Variants in KIAA1217 observed in about 807,000 individuals in gnomAD.
KIAA1217 encodes the protein sickle tail protein homolog.
Under a neutral mutation model 163.9 loss-of-function variants are expected in KIAA1217, and 88 were observed. That is an observed-to-expected ratio of 0.54 (90% CI 0.45 to 0.64). The LOEUF (loss-of-function observed/expected upper bound fraction) is 0.64. Ranked by LOEUF, KIAA1217 falls within the 30% of genes least tolerant of loss-of-function variation. The pLI is 0.00. For missense variants in KIAA1217, 2,372 were observed against 2,475.0 expected (o/e 0.96, Z 0.88); for synonymous variants, 903 against 923.1 (o/e 0.98, Z 0.39).
intron 2 of KIAA1217, among the ~76,000 whole-genome samples, chr10:24,028,935 C>T (rs893634173): frequency 1.3e-5 from 2 of 152,108 alleles, no homozygotes; most frequent in African/African-American, 4.8e-5. Flanking sequence ...TATCCCTGGA[C>T]AATTCTTTCC....
intron 1 of KIAA1217, among the ~76,000 whole-genome samples, chr10:23,853,225 A>T (rs1006222223): frequency 2.0e-5 from 3 of 152,002 alleles, no homozygotes; most frequent in Non-Finnish European, 4.4e-5. Flanking sequence ...TAGCATGAAG[A>T]GTTGTTGAAT....
At chr10:23,854,498 G>A (rs1271476061) in intron 1 of KIAA1217, among the ~76,000 whole-genome samples, 1 of 152,132 alleles carries the variant, frequency 6.6e-6, no homozygotes, top group African/African-American at 2.4e-5. Flanking sequence ...CTGTTGATGT[G>A]GGGTGGAGAG....
chr10:23,746,056 A>T (rs1270204242), intron 1 of KIAA1217, among the ~76,000 whole-genome samples: 1 of 152,152 alleles, frequency 6.6e-6, no homozygotes, highest in Non-Finnish European at 1.5e-5. Flanking sequence ...TACAAATCTC[A>T]TGTTGAAATT....
At chr10:23,934,607 G>C (rs28558295) in intron 1 of KIAA1217, among the ~76,000 whole-genome samples, 4 of 37,102 alleles carry the variant, frequency 1.1e-4, no homozygotes, top group South Asian at 6.6e-4. Flanking sequence ...ATATATATAT[G>C]TATATATATA....
intron 2 of KIAA1217, among the ~76,000 whole-genome samples, chr10:24,320,851 G>A (rs1475562368): frequency 6.6e-6 from 1 of 151,976 alleles, no homozygotes; most frequent in African/African-American, 2.4e-5. Flanking sequence ...AGACCATCCT[G>A]GCTAACACAG....
At chr10:24,077,459 G>A (rs2061403734) in intron 2 of KIAA1217, among the ~76,000 whole-genome samples, 1 of 152,186 alleles carries the variant, frequency 6.6e-6, no homozygotes, top group African/African-American at 2.4e-5. Context: ...GTGTTAGTTT[G>A]CTGAGGATAA....
At chr10:24,158,459 T>C in intron 2 of KIAA1217, 2 of 548,334 alleles carry the variant, frequency 3.6e-6, no homozygotes, top group Admixed American at 2.0e-5. Context: ...GGAAATTGAA[T>C]GTATATTCAT....
At chr10:23,999,727 T>C (rs1846656780) in intron 1 of KIAA1217, among the ~76,000 whole-genome samples, 2 of 152,136 alleles carry the variant, frequency 1.3e-5, no homozygotes, top group African/African-American at 2.4e-5. Context: ...GGAAATGTAT[T>C]AGAACACTCT....
At chr10:24,502,856 G>A (rs570729829) in intron 9 of KIAA1217, among the ~76,000 whole-genome samples, 2 of 152,232 alleles carry the variant, frequency 1.3e-5, no homozygotes, top group Admixed American at 6.5e-5. Context: ...GCATGGTGGG[G>A]TGTGCCTCTA....
intron 1 of KIAA1217, among the ~76,000 whole-genome samples, chr10:23,967,899 ATGTGTGTGTGTG>A (rs58562978): frequency 7.9e-4 from 114 of 143,936 alleles, no homozygotes; most frequent in South Asian, 1.2e-3. Flanking sequence ...AATATATTAA[ATGTGTGTGTGTG>A]TGTGTGTGTG....
chr10:24,077,817 T>C (rs571072237), intron 2 of KIAA1217, among the ~76,000 whole-genome samples: 1 of 152,312 alleles, frequency 6.6e-6, no homozygotes, highest in East Asian at 1.9e-4. Context: ...CAGCAGGAAA[T>C]GTGTTCCTTT....
At chr10:23,995,999 A>G (rs577700169) in intron 1 of KIAA1217, among the ~76,000 whole-genome samples, 20 of 152,286 alleles carry the variant, frequency 1.3e-4, no homozygotes, top group African/African-American at 4.6e-4. Context: ...ACCGTGATGA[A>G]TGTCACAGAT....
At chr10:24,347,941 A>G (rs1011684701) in intron 2 of KIAA1217, among the ~76,000 whole-genome samples, 1 of 152,250 alleles carries the variant, frequency 6.6e-6, no homozygotes, top group Non-Finnish European at 1.5e-5. Context: ...AAGGTGAATT[A>G]ATGGAATGCG....
At chr10:23,992,502 T>G (rs945773492) in intron 1 of KIAA1217, among the ~76,000 whole-genome samples, 1 of 152,088 alleles carries the variant, frequency 6.6e-6, no homozygotes, top group East Asian at 1.9e-4. Flanking sequence ...ATTTAGAATA[T>G]GCTCATGTCC....
chr10:24,361,170 A>T (rs1564537323), intron 2 of KIAA1217, among the ~76,000 whole-genome samples: 2 of 150,840 alleles, frequency 1.3e-5, no homozygotes, highest in South Asian at 2.1e-4. Flanking sequence ...AGCACATGCC[A>T]TTTTTTTTTC....
intron 1 of KIAA1217, among the ~76,000 whole-genome samples, chr10:23,728,762 G>C (rs936234477): frequency 2.0e-5 from 3 of 152,126 alleles, no homozygotes; most frequent in Non-Finnish European, 4.4e-5. Flanking sequence ...TTTTTTTAGA[G>C]CAGTTTTAAG....
At chr10:24,536,608 A>T (rs2074051057) in intron 16 of KIAA1217, among the ~76,000 whole-genome samples, 166 bp from the exon 17 acceptor site, 1 of 152,110 alleles carries the variant, frequency 6.6e-6, no homozygotes, top group African/African-American at 2.4e-5. Context: ...CTTTGTCAAC[A>T]TGAGAGCACG....
At chr10:24,175,549 A>C (rs1039738717) in intron 2 of KIAA1217, among the ~76,000 whole-genome samples, 2 of 152,030 alleles carry the variant, frequency 1.3e-5, no homozygotes, top group African/African-American at 4.8e-5. Flanking sequence ...CCATTCATTC[A>C]TTCTTTTTTT....
At chr10:23,792,579 G>A (rs992758645) in intron 1 of KIAA1217, among the ~76,000 whole-genome samples, 4 of 151,616 alleles carry the variant, frequency 2.6e-5, no homozygotes, top group Non-Finnish European at 5.9e-5. Flanking sequence ...TGCAAGCTCC[G>A]CCTCCCGGGT....
Sources: gnomAD v4.1 joint callset for allele counts (sites outside exome capture counted in the v4.1 genomes callset) on GRCh38, gnomAD v4.1.1 for gene constraint, MANE v1.5 for transcripts, NCBI Gene and HGNC (gene_info 2026-07-23, HGNC 2026-07-21) for gene names.